Variants in ARHGEF38 observed in about 807,000 individuals in gnomAD.
ARHGEF38 encodes the protein Rho guanine nucleotide exchange factor 38.
A neutral mutation model predicts 79.9 loss-of-function variants in ARHGEF38; 79 were observed. The ratio of observed to expected loss-of-function variants is 0.99; its 90% CI spans 0.82 to 1.19. The LOEUF (loss-of-function observed/expected upper bound fraction) is 1.19, where lower values mean the gene tolerates loss of function less well. Ranked by LOEUF, ARHGEF38 falls within the 50% of genes most tolerant of loss-of-function variation. ARHGEF38 has a pLI of 0.00. For missense variants in ARHGEF38, 962 were observed against 907.2 expected, an observed-to-expected ratio of 1.06 and a Z score of -0.78; for synonymous variants, 366 against 328.3, an observed-to-expected ratio of 1.11 and a Z score of -1.24.
chr4:105,581,079 A>C (rs1726766244), intron 1 of ARHGEF38, among the ~76,000 whole-genome samples: 1 of 151,972 alleles, frequency 6.6e-6, no homozygotes, highest in South Asian at 2.1e-4. Context: ...TGTTTAACTC[A>C]CCCCACCTGC....
At chr4:105,599,426 T>C (rs983751632) in intron 2 of ARHGEF38, among the ~76,000 whole-genome samples, 3 of 152,192 alleles carry the variant, frequency 2.0e-5, no homozygotes, top group African/African-American at 7.2e-5. Context: ...CATAGATGTG[T>C]TAAGCGGATC....
At position 105,670,499 on chromosome 4, in the gene ARHGEF38, T is replaced by C. The variant is rs114987702; in HGVS notation, c.2148+2796T>C. ...AAAAACTGGGTCATTTTCCTTCTTA[T>C]TTTCCCATTGTAAGAGTTCTTTATA... On this transcript the variant is annotated intron_variant, in intron 13 of 13. Coordinates refer to ENST00000420470, the MANE Select transcript of ARHGEF38 (RefSeq NM_001242729.2). Among the ~76,000 whole-genome samples the C allele has an allele frequency of 9.7e-3, 1,474 of 152,292 alleles. 7 individuals are homozygous for C. The highest frequency in any genetic ancestry group is 0.016 in the Non-Finnish European group (1,078 of 68,006).
intron 1 of ARHGEF38, among the ~76,000 whole-genome samples, chr4:105,586,023 G>A (rs989681815): frequency 6.6e-6 from 1 of 151,964 alleles, no homozygotes; most frequent in African/African-American, 2.4e-5. Context: ...GAGCCACTGC[G>A]CCAGGCCCCC....
At chr4:105,677,574 C>T (rs1731166581) in intron 13 of ARHGEF38, among the ~76,000 whole-genome samples, 178 bp from the exon 14 acceptor site, 1 of 152,180 alleles carries the variant, frequency 6.6e-6, no homozygotes, top group African/African-American at 2.4e-5. Flanking sequence ...ACCTATTTCA[C>T]TCCATTCTCA....
intron 1 of ARHGEF38, among the ~76,000 whole-genome samples, chr4:105,573,091 TTTG>T (rs1398471024): frequency 1.3e-5 from 2 of 152,310 alleles, no homozygotes; most frequent in East Asian, 1.9e-4. Flanking sequence ...GGTTGTTTAT[TTTG>T]TTGTTGTTAT....
chr4:105,664,608 A>T (rs1437228071), intron 10 of ARHGEF38, among the ~76,000 whole-genome samples: 1 of 152,244 alleles, frequency 6.6e-6, no homozygotes, highest in Non-Finnish European at 1.5e-5. Context: ...TGTATTAGTC[A>T]TGATTCCAGT....
intron 2 of ARHGEF38, among the ~76,000 whole-genome samples, chr4:105,597,032 A>T (rs1421000203): frequency 6.6e-6 from 1 of 152,170 alleles, no homozygotes; most frequent in Admixed American, 6.5e-5. Context: ...CTTCTCTCCC[A>T]GCCCAGCTCC....
chr4:105,647,280 C>G (rs59616807), intron 6 of ARHGEF38, among the ~76,000 whole-genome samples: 4,133 of 152,108 alleles, frequency 0.027, 182 homozygotes, highest in African/African-American at 0.092. Context: ...CTGTCTTTCT[C>G]TCTCTCTTCC....
chr4:105,640,793 G>A (rs1729586890), intron 5 of ARHGEF38, among the ~76,000 whole-genome samples: 1 of 152,104 alleles, frequency 6.6e-6, no homozygotes, highest in Non-Finnish European at 1.5e-5. Context: ...GAATTTAGAG[G>A]TAATTCTTTA....
intron 3 of ARHGEF38, among the ~76,000 whole-genome samples, chr4:105,622,509 G>A (rs1430026070): frequency 6.6e-6 from 1 of 152,150 alleles, no homozygotes; most frequent in Non-Finnish European, 1.5e-5. Flanking sequence ...CTAGTTTGAT[G>A]GCTGTGAGCA....
chr4:105,558,822 T>A (rs1324106389), intron 1 of ARHGEF38, among the ~76,000 whole-genome samples: 1 of 152,002 alleles, frequency 6.6e-6, no homozygotes, highest in Admixed American at 6.6e-5. Flanking sequence ...TGTGCTTTTT[T>A]TTTTTGTTTA....
At position 105,679,600 on chromosome 4, in the gene ARHGEF38, G is replaced by T; in HGVS notation, c.*1663G>T. 2 of 894,072 alleles carry T rather than the reference G, an allele frequency of 2.2e-6. No homozygotes were observed. The highest frequency in any genetic ancestry group is 1.3e-5 in the South Asian group (1 of 76,218). 55.4% of individuals were successfully genotyped at this position (894,072 alleles called of 1,614,324 possible). On this transcript the variant is annotated 3_prime_UTR_variant, in exon 14 of 14. Transcript: ENST00000420470. ...TCTATCAGTATCTGAGCTGATGGTT[G>T]GAAAAAAATCAACAGCAGCATAAGA...
chr4:105,561,459 A>AGAATGGAATGGAATGGAATG (rs1578253520), intron 1 of ARHGEF38: 15 of 38,064 alleles, frequency 3.9e-4, no homozygotes, highest in African/African-American at 1.6e-3. Flanking sequence ...GGAATAGAAT[A>AGAATGGAATGGAATGGAATG]GAATAGAATA....
At chr4:105,622,903 C>A (rs947959830) in intron 3 of ARHGEF38, among the ~76,000 whole-genome samples, 2 of 152,168 alleles carry the variant, frequency 1.3e-5, no homozygotes, top group Non-Finnish European at 2.9e-5. Context: ...CACACCTTTG[C>A]ACACACACTT....
intron 2 of ARHGEF38, among the ~76,000 whole-genome samples, chr4:105,607,563 G>C (rs1255677425): frequency 6.6e-6 from 1 of 152,060 alleles, no homozygotes; most frequent in Non-Finnish European, 1.5e-5. Flanking sequence ...AGATAAATTA[G>C]TAAATATTTC....
In ARHGEF38 at chr4:105,587,033, G is replaced by C. The variant is rs555001047; in HGVS notation, c.197-2215G>C. 3.3e-5 allele frequency among the ~76,000 whole-genome samples: 5 copies of C among 152,142 alleles called. 1 individual carries two copies. The South Asian group carries it at 1.0e-3, about 32-fold the overall frequency. On this transcript the variant is annotated intron_variant, in intron 1 of 13. Transcript: ENST00000420470. ...TCCTCACTGCAGCTCCTCTCATAAG[G>C]TGTCCTGTCTTCCTCTTTCATATCC...
rs533867700 is a variant in ARHGEF38, at chr4:105,675,908, C to A, written c.2149-1844C>A. Reference sequence around the variant, plus strand: ...TTGAAGGCTAATCACCTCCCCAAGGCCTTACCTCTTAATAGCATTACCTTG... The same window carrying A: ...TTGAAGGCTAATCACCTCCCCAAGGACTTACCTCTTAATAGCATTACCTTG... On this transcript the variant is annotated intron_variant, in intron 13 of 13. Coordinates refer to ENST00000420470, the MANE Select transcript of ARHGEF38 (RefSeq NM_001242729.2). Among the ~76,000 whole-genome samples the A allele has an allele frequency of 4.6e-5, 7 of 152,290 alleles. No individual in the cohort carries two copies. The East Asian group carries it at 1.2e-3, about 25-fold the overall frequency.
At chr4:105,577,245 TC>T (rs1468026209) in intron 1 of ARHGEF38, among the ~76,000 whole-genome samples, 2 of 95,978 alleles carry the variant, frequency 2.1e-5, no homozygotes, top group African/African-American at 4.1e-5. Context: ...ATGCTATCCC[TC>T]CCCCCTCCCC....
intron 2 of ARHGEF38, among the ~76,000 whole-genome samples, chr4:105,600,636 T>G (rs1329545527): frequency 6.6e-6 from 1 of 152,166 alleles, no homozygotes; most frequent in African/African-American, 2.4e-5. Flanking sequence ...AGCCTAGACA[T>G]TTTCCCTGAA....
Sources: allele counts gnomAD v4.1 joint callset (sites outside exome capture counted in the v4.1 genomes callset), GRCh38; gene constraint gnomAD v4.1.1; transcripts MANE v1.5; gene names NCBI Gene and HGNC (gene_info 2026-07-23, HGNC 2026-07-21).